FAM20C: variants seen among roughly 807,000 people sequenced by gnomAD.
FAM20C encodes extracellular serine/threonine protein kinase FAM20C.
A neutral mutation model predicts 51.5 loss-of-function variants in FAM20C; 40 were observed. The ratio of observed to expected loss-of-function variants is 0.78; its 90% CI spans 0.60 to 1.01. The LOEUF (loss-of-function observed/expected upper bound fraction) is 1.01, where lower values mean the gene tolerates loss of function less well. Ranked by LOEUF, FAM20C falls within the 50% of genes least tolerant of loss-of-function variation. The probability of loss-of-function intolerance (pLI) is 0.00; values close to 1 mark genes in which losing one functional copy is unlikely to be tolerated. For synonymous variants in FAM20C, 406 were observed against 380.6 expected, an observed-to-expected ratio of 1.07 and a Z score of -0.78; for missense variants, 861 against 844.7, an observed-to-expected ratio of 1.02 and a Z score of -0.24.
At chr7:204,921 G>A (rs1015294477) in intron 2 of FAM20C, among the ~76,000 whole-genome samples, 1 of 152,280 alleles carries the variant, frequency 6.6e-6, no homozygotes, top group Non-Finnish European at 1.5e-5. Flanking sequence ...GGTGCTCGGG[G>A]AGGGGACGTG....
At chr7:202,587 G>C (rs1786184801) in intron 2 of FAM20C, among the ~76,000 whole-genome samples, 1 of 142,638 alleles carries the variant, frequency 7.0e-6, no homozygotes, top group Admixed American at 7.0e-5. Flanking sequence ...GATTGTACTG[G>C]GGAATGGGGG....
intron 8 of FAM20C, chr7:257,445 G>A (rs1021030525): frequency 4.4e-6 from 1 of 226,674 alleles, no homozygotes; most frequent in African/African-American, 2.3e-5. Context: ...GCGGGGGATA[G>A]GCGGCCTCTG....
rs572501743 is a variant in FAM20C, at chr7:248,643, C to T, written c.1072+213C>T. Among the ~76,000 whole-genome samples, 6 of 143,708 alleles carry T rather than the reference C, an allele frequency of 4.2e-5. No individual in the cohort carries two copies. In the East Asian group the frequency reaches 1.3e-3, roughly 30 times the overall value. 94.3% of individuals were successfully genotyped at this position (143,708 alleles called of 152,430 possible). ...TGGCACGGGGAGCCCACATTCATCTCGCCAGGTAGCCTGGCACGGGGGCCC... is the reference window on the plus strand; with the variant it reads ...TGGCACGGGGAGCCCACATTCATCTTGCCAGGTAGCCTGGCACGGGGGCCC... On this transcript the variant is annotated intron_variant, in intron 5 of 9. Transcript: ENST00000313766.
intron 3 of FAM20C, among the ~76,000 whole-genome samples, chr7:226,464 G>C (rs1787450265): frequency 6.6e-6 from 1 of 152,204 alleles, no homozygotes; most frequent in African/African-American, 2.4e-5. Context: ...CCAAGGACGA[G>C]GGCCCAAGGC....
In FAM20C at chr7:193,608, C is replaced by T. The variant is rs1043428625; in HGVS notation, c.409C>T (p.Arg137Trp). 62 of 1,533,704 alleles carry T rather than the reference C, an allele frequency of 4.0e-5. No homozygotes were observed. The highest frequency in any genetic ancestry group is 5.3e-5 in the Non-Finnish European group (61 of 1,140,616). The change falls in exon 1 of 10, where the codon CGG (arginine) becomes TGG (tryptophan). Residue 137 changes from arginine (R) to tryptophan (W), a missense_variant. Coordinates refer to ENST00000313766, the MANE Select transcript of FAM20C (RefSeq NM_020223.4). ...CCTAAGACCCCACGACCCCGCGCAC[C>T]GGCCGCTGCTGCGAGACCCCGGCCC... ...GALRPHDPAH[R>W]PLLRDPGPRR...
chr7:227,301 T>G (rs1008145432), intron 3 of FAM20C, among the ~76,000 whole-genome samples: 3 of 152,004 alleles, frequency 2.0e-5, no homozygotes, highest in African/African-American at 4.8e-5. Flanking sequence ...TTCCTCGTAC[T>G]GGGGACGAAA....
At position 259,842 on chromosome 7, in the gene FAM20C, C is replaced by A; in HGVS notation, c.1617C>A (p.Tyr539Ter). 1 of 1,536,518 alleles carries A rather than the reference C, an allele frequency of 6.5e-7. No homozygotes were observed. Among genetic ancestry groups the A allele is most frequent in the Non-Finnish European group, 8.7e-7 (1 of 1,146,880 alleles). The change falls in exon 10 of 10, where the codon TAC becomes TAA. Residue 539 changes from tyrosine (Y) to a stop codon, truncating the protein, a stop_gained. Coordinates refer to ENST00000313766, the MANE Select transcript of FAM20C (RefSeq NM_020223.4). LOFTEE classifies it low-confidence loss of function (END_TRUNC). ...GGGACCAGGTGGCACCCGTGCTGTA[C>A]CAGCCGCACCTGGAGGCCCTGGACC... Reference protein sequence around the residue: ...LRGDQVAPVLYQPHLEALDRR... With the variant: ...LRGDQVAPVL
intron 3 of FAM20C, among the ~76,000 whole-genome samples, chr7:222,427 G>A (rs1193206357): frequency 1.3e-5 from 2 of 152,126 alleles, no homozygotes; most frequent in Non-Finnish European, 2.9e-5. Flanking sequence ...CTCAGTAAGG[G>A]AGTGGATTGC....
chr7:253,497 G>A (rs1362715919), intron 5 of FAM20C, among the ~76,000 whole-genome samples: 2 of 150,694 alleles, frequency 1.3e-5, no homozygotes, highest in African/African-American at 4.9e-5. Context: ...TGCTGTTTGT[G>A]TCTTTTATTA....
Position 256,995 on chromosome 7 carries a change from C to G in FAM20C, c.1364-10C>G. The G allele has an allele frequency of 6.5e-7, 1 of 1,537,042 alleles. No individual in the cohort carries two copies. Among genetic ancestry groups the G allele is most frequent in the Admixed American group, 2.0e-5 (1 of 51,008 alleles). ...CCACGAGCTGTGACACTTTCTGCCT[C>G]TCTCCGCAGGAAACATGGACCGTCA... On this transcript the variant is annotated splice_polypyrimidine_tract_variant and intron_variant, in intron 7 of 9. Transcript: ENST00000313766.
At position 195,321 on chromosome 7, in the gene FAM20C, C is replaced by T. The variant is rs1445114906; in HGVS notation, c.606-233C>T. 2.7e-5 allele frequency: 12 copies of T among 438,408 alleles called. No homozygotes were observed. In the East Asian group the frequency reaches 3.8e-4, roughly 14 times the overall value. 27.2% of individuals were successfully genotyped at this position (438,408 alleles called of 1,614,324 possible). A position where few individuals can be genotyped will look rare whatever the true frequency, so the allele number is the denominator to read the frequency against. On this transcript the variant is annotated intron_variant, in intron 1 of 9. Transcript: ENST00000313766. ...GTAGTTAGAGCTGTCTGTGGTGTCTCCAGAGGGTGAGTAAGAATTACAGGC... is the reference window on the plus strand; with the variant it reads ...GTAGTTAGAGCTGTCTGTGGTGTCTTCAGAGGGTGAGTAAGAATTACAGGC...
At chr7:205,232 A>G (rs562349101) in intron 2 of FAM20C, among the ~76,000 whole-genome samples, 3 of 151,868 alleles carry the variant, frequency 2.0e-5, no homozygotes, top group African/African-American at 7.3e-5. Flanking sequence ...CCTCCCGAGT[A>G]GCTGGGACCA....
intron 3 of FAM20C, among the ~76,000 whole-genome samples, chr7:211,007 A>G (rs1332183606): frequency 2.0e-5 from 3 of 152,138 alleles, no homozygotes; most frequent in Non-Finnish European, 4.4e-5. Context: ...ACCGCTGCGT[A>G]AAGACGAGAG....
At chr7:210,044 T>C (rs1786632572) in intron 3 of FAM20C, among the ~76,000 whole-genome samples, 1 of 152,140 alleles carries the variant, frequency 6.6e-6, no homozygotes, top group African/African-American at 2.4e-5. Context: ...GCCCCGTGCC[T>C]GAGCCCGGGC....
chr7:233,096 T>C (rs1174978928), intron 3 of FAM20C, among the ~76,000 whole-genome samples: 2 of 152,238 alleles, frequency 1.3e-5, no homozygotes, highest in African/African-American at 2.4e-5. Context: ...GCCGTGCGAT[T>C]CTGCAGACGC....
chr7:196,361 A>C (rs1785872869), intron 2 of FAM20C, among the ~76,000 whole-genome samples: 1 of 152,224 alleles, frequency 6.6e-6, no homozygotes, highest in Non-Finnish European at 1.5e-5. Flanking sequence ...ATTTCAGGAA[A>C]ATATGCCACT....
chr7:231,453 G>A (rs1787676608), intron 3 of FAM20C, among the ~76,000 whole-genome samples: 1 of 151,302 alleles, frequency 6.6e-6, no homozygotes, highest in African/African-American at 2.4e-5. Context: ...CCCGTGGGAG[G>A]AGGGTCCCGG....
chr7:212,158 C>T (rs768849107), intron 3 of FAM20C, among the ~76,000 whole-genome samples: 11 of 152,212 alleles, frequency 7.2e-5, no homozygotes, highest in Admixed American at 1.3e-4. Context: ...AGTTAAAATC[C>T]ATGATTAATA....
intron 3 of FAM20C, among the ~76,000 whole-genome samples, chr7:218,365 G>A (rs895347458): frequency 6.6e-6 from 1 of 152,246 alleles, no homozygotes; most frequent in Non-Finnish European, 1.5e-5. Context: ...GTCCTGCGGG[G>A]CCTCCGTCCA....
Sources: gnomAD v4.1 joint callset for allele counts (sites outside exome capture counted in the v4.1 genomes callset) on GRCh38, gnomAD v4.1.1 for gene constraint, MANE v1.5 for transcripts, NCBI Gene and HGNC (gene_info 2026-07-23, HGNC 2026-07-21) for gene names.